PANK2: variants seen among roughly 807,000 people sequenced by gnomAD.
The protein encoded by PANK2 is pantothenate kinase 2, mitochondrial.
In PANK2, 36 loss-of-function variants were observed where a neutral mutation model predicts 43.1. The ratio of observed to expected loss-of-function variants is 0.84; its 90% confidence interval spans 0.64 to 1.10. PANK2 has a LOEUF of 1.10. Ranked by LOEUF, PANK2 falls within the 50% of genes least tolerant of loss-of-function variation. PANK2 has a pLI of 0.00. For missense variants in PANK2, 576 were observed against 593.3 expected (o/e 0.97, Z 0.30); for synonymous variants, 281 against 238.2 (o/e 1.18, Z -1.66).
Position 3,923,569 on chromosome 20 carries a change from ATC to A in PANK2, c.*279_*280del, listed in dbSNP as rs1484544569. 1.8e-5 allele frequency: 9 copies of A among 513,078 alleles called. No homozygotes were observed. Among genetic ancestry groups the A allele is most frequent in the African/African-American group, 5.8e-5 (3 of 52,000 alleles). The allele number at this position is 513,078 out of a possible 1,614,324, so 31.8% of individuals were successfully genotyped here. On this transcript the variant is annotated 3_prime_UTR_variant, in exon 7 of 7. Coordinates refer to ENST00000610179, the MANE Select transcript of PANK2 (RefSeq NM_001386393.1). ...AAGTTGCCTGCTTTGTATTTTTGAAATCTCTGCATCACTCATTGGAAGTGCTT... is the reference window on the plus strand; with the variant it reads ...AAGTTGCCTGCTTTGTATTTTTGAAATCTGCATCACTCATTGGAAGTGCTT...
Position 3,889,544 on chromosome 20 carries a change from G to A in PANK2, c.114G>A (p.Gly38=). The change falls in exon 1 of 7, where the codon GGG becomes GGA. Residue 38 remains glycine (G), a synonymous_variant. Coordinates refer to ENST00000610179, the MANE Select transcript of PANK2 (RefSeq NM_001386393.1). Reference sequence around the variant, plus strand: ...CCGCCACCTCCGTCTCGTCGGCTGGGGAGCAGGCGGCCGGGGACCCCGAAG... The same window carrying A: ...CCGCCACCTCCGTCTCGTCGGCTGGAGAGCAGGCGGCCGGGGACCCCGAAG... The A allele has an allele frequency of 7.0e-7, 1 of 1,421,814 alleles. No individual in the cohort carries two copies. Among genetic ancestry groups the A allele is most frequent in the Non-Finnish European group, 9.1e-7 (1 of 1,099,092 alleles). The allele number at this position is 1,421,814 out of a possible 1,614,324, so 88.1% of individuals were successfully genotyped here. A position where few individuals can be genotyped will look rare whatever the true frequency, so the allele number is the denominator to read the frequency against.
intron 1 of PANK2, among the ~76,000 whole-genome samples, chr20:3,900,378 T>G (rs779120656): frequency 2.6e-5 from 4 of 151,764 alleles, no homozygotes; most frequent in Non-Finnish European, 4.4e-5. Context: ...ACACTGGTCT[T>G]GAAACAAGGT....
upstream of PANK2, chr20:3,888,941 C>G: frequency 1.8e-6 from 1 of 569,372 alleles, no homozygotes; most frequent in South Asian, 2.8e-5. Context: ...CTGCCGACGA[C>G]CAGCGGCCAG....
At chr20:3,913,974 A>AGAGAT (rs1162247866) in intron 4 of PANK2, among the ~76,000 whole-genome samples, 2 of 151,628 alleles carry the variant, frequency 1.3e-5, no homozygotes, top group Non-Finnish European at 2.9e-5. Context: ...TATTTTTAGC[A>AGAGAT]GAGATGGGGT....
Position 3,889,668 on chromosome 20 carries a change from TAC to T in PANK2, c.240_241del (p.Tyr80Ter), listed in dbSNP as rs1600477446. The T allele has an allele frequency of 1.3e-6, 2 of 1,590,506 alleles. No homozygotes were observed. Among genetic ancestry groups the T allele is most frequent in the Admixed American group, 1.7e-5 (1 of 59,400 alleles). On this transcript the variant is annotated frameshift_variant, in exon 1 of 7. Transcript: ENST00000610179. LOFTEE classifies it high-confidence loss of function. ...CACGAGGCGGGATCGACTGGGCTCT[TAC>T]AGCGGCCCCACCTCGGTCTCCCGCC... is the stretch of plus-strand genomic sequence containing the variant.
chr20:3,888,968 G>A (rs1160751402), upstream of PANK2: 10 of 682,404 alleles, frequency 1.5e-5, no homozygotes, highest in Admixed American at 3.1e-4. Context: ...CGGGAGCACT[G>A]CTGGGCTGGA....
chr20:3,892,600 C>G (rs559773523), intron 1 of PANK2, among the ~76,000 whole-genome samples: 2 of 138,380 alleles, frequency 1.4e-5, no homozygotes, highest in Admixed American at 1.6e-4. Flanking sequence ...TGCTTGAACC[C>G]GGGAGGCAGA....
At chr20:3,895,531 G>A (rs761697330) in intron 1 of PANK2, among the ~76,000 whole-genome samples, 4 of 142,910 alleles carry the variant, frequency 2.8e-5, no homozygotes, top group Non-Finnish European at 6.0e-5. Context: ...TCAAAAAATA[G>A]GAGGAGGAAG....
chr20:3,894,989 A>T (rs966415374), intron 1 of PANK2, among the ~76,000 whole-genome samples: 51 of 152,044 alleles, frequency 3.4e-4, no homozygotes, highest in African/African-American at 1.2e-3. Flanking sequence ...TGTTAAAAAT[A>T]TTTTGCTGAC....
chr20:3,916,675 T>C (rs1350053701), intron 4 of PANK2, among the ~76,000 whole-genome samples: 1 of 152,178 alleles, frequency 6.6e-6, no homozygotes, highest in East Asian at 1.9e-4. Context: ...ACTGAATATG[T>C]GAATATCTGG....
At chr20:3,892,596 A>G (rs757824179) in intron 1 of PANK2, among the ~76,000 whole-genome samples, 48 of 146,928 alleles carry the variant, frequency 3.3e-4, no homozygotes, top group Non-Finnish European at 5.2e-4. Flanking sequence ...TAATTGCTTG[A>G]ACCCGGGAGG....
chr20:3,893,513 CAGGTGTGCAGA>C (rs2090156701), intron 1 of PANK2, among the ~76,000 whole-genome samples: 1 of 152,088 alleles, frequency 6.6e-6, no homozygotes, highest in Non-Finnish European at 1.5e-5. Flanking sequence ...ATATGTGCAG[CAGGTGTGCAGA>C]AGGTGTGGAA....
At chr20:3,913,792 T>TATA (rs1568577269) in intron 4 of PANK2, among the ~76,000 whole-genome samples, 4,531 of 111,434 alleles carry the variant, frequency 0.041, 95 homozygotes, top group African/African-American at 0.063. Flanking sequence ...ATATATATAT[T>TATA]TTTTTTTTTT....
At chr20:3,910,906 C>T (rs1266816708) in intron 3 of PANK2, 76 bp downstream of exon 3, 3 of 1,535,046 alleles carry the variant, frequency 2.0e-6, no homozygotes, top group Admixed American at 3.4e-5. Context: ...CATGTAACTA[C>T]ACCTTCAAGA....
intron 1 of PANK2, among the ~76,000 whole-genome samples, chr20:3,891,801 A>G (rs1381996438): frequency 2.0e-5 from 3 of 152,198 alleles, no homozygotes; most frequent in Non-Finnish European, 4.4e-5. Context: ...GGTGGGGAGA[A>G]TTATATTAAG....
chr20:3,907,595 C>T (rs2146858429), intron 1 of PANK2, among the ~76,000 whole-genome samples: 1 of 152,150 alleles, frequency 6.6e-6, no homozygotes, highest in East Asian at 1.9e-4. Context: ...GAGAGATTTT[C>T]ATTCTGAATC....
At chr20:3,913,417 C>A (rs994297210) in intron 4 of PANK2, among the ~76,000 whole-genome samples, 13 of 152,106 alleles carry the variant, frequency 8.5e-5, no homozygotes, top group African/African-American at 3.1e-4. Flanking sequence ...GATCTCGGCT[C>A]ACCACAACCC....
At chr20:3,890,435 T>G (rs2090103573) in intron 1 of PANK2, among the ~76,000 whole-genome samples, 1 of 152,216 alleles carries the variant, frequency 6.6e-6, no homozygotes, top group African/African-American at 2.4e-5. Context: ...TCCCAGAGAA[T>G]CCGTTTCCCC....
intron 5 of PANK2, chr20:3,917,421 C>G (rs374330421): frequency 1.9e-6 from 1 of 534,784 alleles, no homozygotes; most frequent in Non-Finnish European, 3.8e-6. Context: ...GAGGAAGTCA[C>G]GGAAGCTGGG....
Sources: allele counts gnomAD v4.1 joint callset (sites outside exome capture counted in the v4.1 genomes callset), GRCh38; gene constraint gnomAD v4.1.1; transcripts MANE v1.5; gene names NCBI Gene and HGNC (gene_info 2026-07-23, HGNC 2026-07-21).